Variants in CCSER1 observed in about 807,000 individuals in gnomAD.
CCSER1 encodes the protein coiled-coil serine rich protein 1.
CCSER1 carries 41 observed loss-of-function variants against 82.0 expected under a neutral mutation model. The observed-to-expected ratio is 0.50, with a 90% CI of 0.39 to 0.65. The LOEUF (loss-of-function observed/expected upper bound fraction) is 0.65, where lower values mean the gene tolerates loss of function less well. Among genes scored for constraint, CCSER1 ranks in the 30% least tolerant of loss-of-function variants. The pLI, the probability that CCSER1 is intolerant of heterozygous loss-of-function variation, is 0.00. For missense variants in CCSER1, 1,119 were observed against 1,064.2 expected (o/e 1.05, Z -0.72); for synonymous variants, 414 against 383.9 (o/e 1.08, Z -0.92).
At chr4:90,648,289 G>GAAAGAAAGAAAGA (rs1553969712) in intron 6 of CCSER1, among the ~76,000 whole-genome samples, 6 of 90,716 alleles carry the variant, frequency 6.6e-5, no homozygotes, top group African/African-American at 2.6e-4. Context: ...AGAAAGGAAA[G>GAAAGAAAGAAAGA]AAAGAAAGAA....
In CCSER1 at chr4:91,579,180, T is replaced by C. The variant is rs1006689211; in HGVS notation, c.2218-19392T>C. On this transcript the variant is annotated intron_variant, in intron 10 of 10. Transcript: ENST00000509176. ...TCTGAGCACATGAGGATGGATAGCT[T>C]TCTATTAGGGTTTTGGAATACATAT... 2.0e-5 allele frequency among the ~76,000 whole-genome samples: 3 copies of C among 151,618 alleles called. No individual in the cohort carries two copies. In the East Asian group the frequency reaches 5.8e-4, roughly 29 times the overall value.
intron 1 of CCSER1, among the ~76,000 whole-genome samples, chr4:90,141,577 A>G (rs2153337529): frequency 6.6e-6 from 1 of 152,334 alleles, no homozygotes; most frequent in African/African-American, 2.4e-5. Context: ...AGACAATGCT[A>G]TGCAATTGAA....
At chr4:91,502,611 G>A (rs1759269814) in intron 10 of CCSER1, among the ~76,000 whole-genome samples, 1 of 152,236 alleles carries the variant, frequency 6.6e-6, no homozygotes, top group Non-Finnish European at 1.5e-5. Context: ...AACTGCAGCA[G>A]GTCTCATTTG....
chr4:91,448,879 G>A (rs1755720202), intron 10 of CCSER1, among the ~76,000 whole-genome samples: 1 of 152,022 alleles, frequency 6.6e-6, no homozygotes, highest in African/African-American at 2.4e-5. Flanking sequence ...GACAACAAAG[G>A]AATTACAAGT....
At chr4:91,140,256 G>C (rs1470396402) in intron 10 of CCSER1, among the ~76,000 whole-genome samples, 3 of 151,616 alleles carry the variant, frequency 2.0e-5, no homozygotes. Flanking sequence ...TAGAAAAGCA[G>C]AAAATAAAAG....
chr4:90,821,034 AGT>A (rs899059768), intron 8 of CCSER1, among the ~76,000 whole-genome samples: 2 of 152,186 alleles, frequency 1.3e-5, no homozygotes, highest in Non-Finnish European at 2.9e-5. Context: ...TTCCGTGATC[AGT>A]GTGTGTTGGG....
At chr4:91,250,444 T>C (rs1338291609) in intron 10 of CCSER1, among the ~76,000 whole-genome samples, 2 of 152,108 alleles carry the variant, frequency 1.3e-5, no homozygotes, top group Non-Finnish European at 2.9e-5. Flanking sequence ...TTCCTAACAT[T>C]TCCTGTTTAA....
chr4:90,472,300 TAAG>T (rs1162243996), intron 5 of CCSER1, among the ~76,000 whole-genome samples: 2 of 152,176 alleles, frequency 1.3e-5, no homozygotes, highest in Non-Finnish European at 2.9e-5. Flanking sequence ...CTTTAGAAGG[TAAG>T]AAACATTTTA....
chr4:91,527,838 T>C (rs1195084384), intron 10 of CCSER1, among the ~76,000 whole-genome samples: 1 of 152,214 alleles, frequency 6.6e-6, no homozygotes, highest in Non-Finnish European at 1.5e-5. Context: ...GCGCTATTGA[T>C]ACAGACATGT....
At chr4:91,368,012 G>A (rs1749760603) in intron 10 of CCSER1, among the ~76,000 whole-genome samples, 1 of 152,050 alleles carries the variant, frequency 6.6e-6, no homozygotes, top group South Asian at 2.1e-4. Flanking sequence ...AAATATATGG[G>A]AATAAATGTA....
At chr4:91,160,500 A>G (rs938096161) in intron 10 of CCSER1, among the ~76,000 whole-genome samples, 21 of 152,196 alleles carry the variant, frequency 1.4e-4, no homozygotes, top group African/African-American at 5.1e-4. Flanking sequence ...GAACTAGTTT[A>G]CAGTCCCACC....
chr4:91,180,564 G>T (rs540625899), intron 10 of CCSER1, among the ~76,000 whole-genome samples: 1 of 152,216 alleles, frequency 6.6e-6, no homozygotes, highest in Admixed American at 6.5e-5. Context: ...TCAGACTGCT[G>T]TGCTAGTAGT....
intron 10 of CCSER1, among the ~76,000 whole-genome samples, chr4:91,519,630 G>T (rs1021230765): frequency 6.6e-6 from 1 of 152,190 alleles, no homozygotes; most frequent in African/African-American, 2.4e-5. Flanking sequence ...CTCACAAGGG[G>T]ATCTCCTGAT....
chr4:91,070,717 A>G (rs1721334935), intron 9 of CCSER1, among the ~76,000 whole-genome samples: 3 of 152,112 alleles, frequency 2.0e-5, no homozygotes, highest in Non-Finnish European at 4.4e-5. Flanking sequence ...GAGGTTGAAA[A>G]ATTTCATCCC....
At chr4:90,612,435 G>T (rs191515935) in intron 5 of CCSER1, among the ~76,000 whole-genome samples, 5 of 152,204 alleles carry the variant, frequency 3.3e-5, no homozygotes, top group Admixed American at 3.3e-4. Flanking sequence ...CAGAAAATGA[G>T]TAAACATTAA....
chr4:91,331,964 T>A lies in CCSER1; in HGVS notation c.2217+245970T>A, dbSNP rs537022414. On this transcript the variant is annotated intron_variant, in intron 10 of 10. Transcript: ENST00000509176. Reference sequence around the variant, plus strand: ...TTCATCACCATCAAAATTAGGCTGATACATATACATATCACAATGAACTTC... The same window carrying A: ...TTCATCACCATCAAAATTAGGCTGAAACATATACATATCACAATGAACTTC... Among the ~76,000 whole-genome samples the A allele has an allele frequency of 2.0e-5, 3 of 152,248 alleles. No homozygotes were observed. In the South Asian group the frequency reaches 6.2e-4, roughly 31 times the overall value.
At chr4:90,682,582 G>T (rs527443543) in intron 6 of CCSER1, among the ~76,000 whole-genome samples, 1 of 151,678 alleles carries the variant, frequency 6.6e-6, no homozygotes, top group Non-Finnish European at 1.5e-5. Context: ...CAATTATGGA[G>T]CCAGGGCTCT....
At chr4:90,714,492 TC>T (rs111775817) in intron 6 of CCSER1, among the ~76,000 whole-genome samples, 12,892 of 151,938 alleles carry the variant, frequency 0.085, 597 homozygotes, top group Admixed American at 0.12. Flanking sequence ...ATATGAAGAT[TC>T]AAGTCATAGA....
chr4:91,476,405 T>A (rs1363603151), intron 10 of CCSER1, among the ~76,000 whole-genome samples: 1 of 151,744 alleles, frequency 6.6e-6, no homozygotes, highest in Non-Finnish European at 1.5e-5. Context: ...GAGCATTTTT[T>A]CATATTCCTG....
Sources: allele counts gnomAD v4.1 joint callset (sites outside exome capture counted in the v4.1 genomes callset), GRCh38; gene constraint gnomAD v4.1.1; transcripts MANE v1.5; gene names NCBI Gene and HGNC (gene_info 2026-07-23, HGNC 2026-07-21).